Variants in RBMS3 observed in about 807,000 individuals in gnomAD.
The protein encoded by RBMS3 is RNA binding motif single stranded interacting protein 3.
In RBMS3, 27 loss-of-function variants were observed where a neutral mutation model predicts 66.8. The observed-to-expected ratio is 0.40, with a 90% CI of 0.30 to 0.56. RBMS3 has a LOEUF of 0.56. RBMS3 is among the 20% of genes least tolerant of loss of function. The pLI is 0.40. For missense variants in RBMS3, 513 were observed against 549.5 expected (o/e 0.93, Z 0.66); for synonymous variants, 188 against 183.0 (o/e 1.03, Z -0.22).
intron 4 of RBMS3, among the ~76,000 whole-genome samples, chr3:29,593,555 G>T (rs1394292874): frequency 2.6e-5 from 4 of 152,154 alleles, no homozygotes; most frequent in South Asian, 2.1e-4. Context: ...ATGGACAAGG[G>T]CTATCTGGGG....
chr3:29,342,130 G>A (rs1262213831), intron 1 of RBMS3, among the ~76,000 whole-genome samples: 1 of 152,074 alleles, frequency 6.6e-6, no homozygotes, highest in Non-Finnish European at 1.5e-5. Context: ...TAACAACATG[G>A]AATAAATCAA....
At chr3:29,681,108 C>G (rs923290995) in intron 4 of RBMS3, among the ~76,000 whole-genome samples, 3 of 152,216 alleles carry the variant, frequency 2.0e-5, no homozygotes, top group Admixed American at 6.5e-5. Context: ...CATCTCTCTG[C>G]TATCTTTCTC....
intron 1 of RBMS3, among the ~76,000 whole-genome samples, chr3:29,287,673 A>C (rs923775532): frequency 1.3e-5 from 2 of 152,030 alleles, no homozygotes; most frequent in Non-Finnish European, 2.9e-5. Context: ...GATTTAATAC[A>C]GTGTTTTTGA....
At chr3:29,357,393 G>A (rs180886421) in intron 1 of RBMS3, among the ~76,000 whole-genome samples, 179 of 152,222 alleles carry the variant, frequency 1.2e-3, no homozygotes, top group Admixed American at 6.0e-3. Flanking sequence ...CTTTTTTATA[G>A]CAGCAAAGTA....
intron 7 of RBMS3, among the ~76,000 whole-genome samples, chr3:29,878,018 G>A (rs1056652821): frequency 6.6e-5 from 10 of 152,072 alleles, no homozygotes; most frequent in Admixed American, 2.6e-4. Flanking sequence ...GTTGACAGGG[G>A]TGTTGGGGAG....
At chr3:29,559,735 A>T (rs1201331172) in intron 3 of RBMS3, among the ~76,000 whole-genome samples, 3 of 151,880 alleles carry the variant, frequency 2.0e-5, no homozygotes, top group Non-Finnish European at 2.9e-5. Flanking sequence ...CATTTATTGA[A>T]TGAATGAATG....
chr3:29,974,296 T>C (rs1484551451), intron 12 of RBMS3, among the ~76,000 whole-genome samples: 1 of 151,982 alleles, frequency 6.6e-6, no homozygotes, highest in Non-Finnish European at 1.5e-5. Flanking sequence ...TATATAGAAA[T>C]GATGAAAAGA....
chr3:29,584,464 A>G (rs949523768), intron 3 of RBMS3, among the ~76,000 whole-genome samples: 1 of 151,914 alleles, frequency 6.6e-6, no homozygotes, highest in Non-Finnish European at 1.5e-5. Flanking sequence ...TTTCATCTCC[A>G]TTTCTGAGCA....
chr3:29,669,660 G>A (rs545735345), intron 4 of RBMS3, among the ~76,000 whole-genome samples: 8 of 152,160 alleles, frequency 5.3e-5, no homozygotes, highest in Non-Finnish European at 1.0e-4. Flanking sequence ...GAAACATTGT[G>A]GGGGTTCCAT....
chr3:29,506,784 A>C (rs889692787), intron 3 of RBMS3, among the ~76,000 whole-genome samples: 1 of 151,464 alleles, frequency 6.6e-6, no homozygotes, highest in Non-Finnish European at 1.5e-5. Flanking sequence ...CCATTACTTC[A>C]TGGTTTAGTC....
intron 3 of RBMS3, among the ~76,000 whole-genome samples, chr3:29,496,195 C>CAAAAAAAAAAAA (rs60639896): frequency 2.7e-5 from 3 of 110,502 alleles, no homozygotes; most frequent in Admixed American, 8.8e-5. Flanking sequence ...CCGCCCACAT[C>CAAAAAAAAAAAA]AAAAAAAAAA....
At chr3:29,989,953 G>T (rs1437970087) in intron 13 of RBMS3, among the ~76,000 whole-genome samples, 1 of 152,138 alleles carries the variant, frequency 6.6e-6, no homozygotes, top group East Asian at 1.9e-4. Context: ...CCATTTTGAT[G>T]ATTATTATGA....
At position 29,676,517 on chromosome 3, in the gene RBMS3, T is replaced by C. The variant is rs376056862; in HGVS notation, c.400-63203T>C. On this transcript the variant is annotated intron_variant, in intron 4 of 14. Transcript: ENST00000383767. Reference sequence around the variant, plus strand: ...CAAATTCAATTATTCATATTACTGCTTCTACATTCAGTTTTATAAGATTTA... The same window carrying C: ...CAAATTCAATTATTCATATTACTGCCTCTACATTCAGTTTTATAAGATTTA... Among the ~76,000 whole-genome samples, 26 of 152,344 alleles carry C rather than the reference T, an allele frequency of 1.7e-4. No individual in the cohort carries two copies. In the East Asian group the frequency reaches 2.3e-3, roughly 14 times the overall value.
At chr3:29,365,556 C>G (rs912961609) in intron 1 of RBMS3, among the ~76,000 whole-genome samples, 4 of 147,950 alleles carry the variant, frequency 2.7e-5, no homozygotes, top group African/African-American at 9.7e-5. Flanking sequence ...GAACATGAAA[C>G]AAAAAGACAG....
intron 12 of RBMS3, among the ~76,000 whole-genome samples, chr3:29,980,616 G>A (rs915914725): frequency 2.0e-5 from 3 of 152,126 alleles, no homozygotes; most frequent in Non-Finnish European, 4.4e-5. Flanking sequence ...TGTATAAGGT[G>A]TAAGGAGGGG....
At chr3:29,438,800 G>C (rs1258913056) in intron 2 of RBMS3, among the ~76,000 whole-genome samples, 1 of 152,234 alleles carries the variant, frequency 6.6e-6, no homozygotes, top group Non-Finnish European at 1.5e-5. Flanking sequence ...TCAGTGGTGA[G>C]TAAATTTAGA....
chr3:29,896,696 T>C (rs1470118498), intron 8 of RBMS3, among the ~76,000 whole-genome samples: 1 of 151,542 alleles, frequency 6.6e-6, no homozygotes, highest in East Asian at 2.0e-4. Flanking sequence ...AGGAGAATCA[T>C]CCCTCCTCTG....
intron 1 of RBMS3, among the ~76,000 whole-genome samples, chr3:29,417,908 A>G (rs1358851355): frequency 1.3e-5 from 2 of 152,186 alleles, no homozygotes; most frequent in South Asian, 2.1e-4. Context: ...AAACAAATGT[A>G]AACATTATTT....
At chr3:29,909,871 A>C (rs1286235049) in intron 10 of RBMS3, among the ~76,000 whole-genome samples, 1 of 152,102 alleles carries the variant, frequency 6.6e-6, no homozygotes, top group Admixed American at 6.6e-5. Flanking sequence ...AGACTAGCTC[A>C]AGACATAATG....
Sources: gnomAD v4.1 joint callset for allele counts (sites outside exome capture counted in the v4.1 genomes callset) on GRCh38, gnomAD v4.1.1 for gene constraint, MANE v1.5 for transcripts, NCBI Gene and HGNC (gene_info 2026-07-23, HGNC 2026-07-21) for gene names.